MYH14: variants seen among roughly 807,000 people sequenced by gnomAD.
The protein encoded by MYH14 is myosin heavy chain 14, also known as myosin-14.
MYH14 carries 123 observed loss-of-function variants against 255.5 expected under a neutral mutation model. The ratio of observed to expected loss-of-function variants is 0.48; its 90% CI spans 0.42 to 0.56. MYH14 has a LOEUF of 0.56. Among genes scored for constraint, MYH14 ranks in the 20% least tolerant of loss-of-function variants. MYH14 has a pLI of 0.00. For synonymous variants in MYH14, 1,095 were observed against 1,161.2 expected (o/e 0.94, Z 1.16); for missense variants, 2,423 against 2,802.3 (o/e 0.86, Z 3.06).
chr19:50,291,164 C>T (rs1221469560), intron 36 of MYH14, 116 bp downstream of exon 36: 4 of 948,146 alleles, frequency 4.2e-6, no homozygotes, highest in South Asian at 1.8e-5. Flanking sequence ...AGGCAGCATC[C>T]GCATGGGTCA....
At position 50,267,383 on chromosome 19, in the gene MYH14, C is replaced by G. The variant is rs2035127769; in HGVS notation, c.2826+375C>G. Among the ~76,000 whole-genome samples, 3 of 152,168 alleles carry G rather than the reference C, an allele frequency of 2.0e-5. No individual in the cohort carries two copies. The South Asian group carries it at 6.2e-4, about 32-fold the overall frequency. On this transcript the variant is annotated intron_variant, in intron 23 of 42. Coordinates refer to ENST00000642316, the MANE Select transcript of MYH14 (RefSeq NM_001145809.2). Reference sequence around the variant, plus strand: ...CTTATAACTGTTTCCAGTATTTCAGCTATCTTAAAATAATGCTAGAACATT... The same window carrying G: ...CTTATAACTGTTTCCAGTATTTCAGGTATCTTAAAATAATGCTAGAACATT...
At chr19:50,288,022 G>C (rs1241628665) in intron 34 of MYH14, among the ~76,000 whole-genome samples, 1 of 152,142 alleles carries the variant, frequency 6.6e-6, no homozygotes, top group Non-Finnish European at 1.5e-5. Context: ...GGGCCTGTAG[G>C]GTGGTGCCCC....
chr19:50,237,544 T>C (rs1287904523), intron 10 of MYH14, among the ~76,000 whole-genome samples: 1 of 152,106 alleles, frequency 6.6e-6, no homozygotes, highest in Non-Finnish European at 1.5e-5. Context: ...GCCAGGCTGG[T>C]CTCGAACTCC....
Position 50,299,259 on chromosome 19 carries a change from A to G in MYH14, c.5470-2402A>G, listed in dbSNP as rs563328105. Among the ~76,000 whole-genome samples, 25 of 152,256 alleles carry G rather than the reference A, an allele frequency of 1.6e-4. No individual in the cohort carries two copies. The South Asian group carries it at 4.6e-3, about 28-fold the overall frequency. Reference sequence around the variant, plus strand: ...GAACTCTACAAGGCTAACAACCTACATTCTTCAACAGATAAATTGTAAGAA... The same window carrying G: ...GAACTCTACAAGGCTAACAACCTACGTTCTTCAACAGATAAATTGTAAGAA... On this transcript the variant is annotated intron_variant, in intron 39 of 42. Coordinates refer to ENST00000642316, the MANE Select transcript of MYH14 (RefSeq NM_001145809.2).
At chr19:50,224,446 G>A (rs953213708) in intron 6 of MYH14, among the ~76,000 whole-genome samples, 10 of 152,192 alleles carry the variant, frequency 6.6e-5, no homozygotes, top group East Asian at 3.9e-4. Flanking sequence ...CAGATGCTGC[G>A]TGCACACAAC....
At position 50,309,635 on chromosome 19, in the gene MYH14, C is replaced by G; in HGVS notation, c.5961-5C>G. On this transcript the variant is annotated splice_region_variant and splice_polypyrimidine_tract_variant and intron_variant, in intron 42 of 42. Transcript: ENST00000642316. ...TCTCTGTATCCTGGTCTCTCCTCCC[C>G]ACAGACGCGGCCCCCTCACCTTCAC... 6.2e-7 allele frequency: 1 copy of G among 1,608,994 alleles called. No individual in the cohort carries two copies. Among genetic ancestry groups the G allele is most frequent in the African/African-American group, 1.3e-5 (1 of 74,628 alleles).
At chr19:50,300,428 T>C (rs2036439732) in intron 39 of MYH14, among the ~76,000 whole-genome samples, 1 of 152,172 alleles carries the variant, frequency 6.6e-6, no homozygotes, top group Non-Finnish European at 1.5e-5. Flanking sequence ...AATGTTTGGC[T>C]CTCTGTATCA....
chr19:50,220,799 T>C (rs1469503018), intron 3 of MYH14, among the ~76,000 whole-genome samples: 2 of 152,086 alleles, frequency 1.3e-5, no homozygotes, highest in African/African-American at 4.8e-5. Flanking sequence ...GTGATCCGCC[T>C]ACCTCAGCCT....
chr19:50,247,236 G>A (rs986544239), intron 12 of MYH14, 114 bp downstream of exon 12: 14 of 722,054 alleles, frequency 1.9e-5, no homozygotes, highest in South Asian at 3.3e-5. Context: ...CTGAGTGCCC[G>A]CTCCGTTACC....
intron 1 of MYH14, among the ~76,000 whole-genome samples, chr19:50,206,659 G>C (rs1381121230): frequency 6.6e-6 from 1 of 152,134 alleles, no homozygotes; most frequent in Non-Finnish European, 1.5e-5. Context: ...GAGGAAGTGG[G>C]TCCTCTCAGC....
At chr19:50,288,529 T>G (rs1304449138) in intron 34 of MYH14, among the ~76,000 whole-genome samples, 1 of 152,182 alleles carries the variant, frequency 6.6e-6, no homozygotes, top group Non-Finnish European at 1.5e-5. Context: ...GTTTGATCCC[T>G]TCAAGTAAAC....
At chr19:50,239,606 G>A (rs183316163) in intron 10 of MYH14, among the ~76,000 whole-genome samples, 2 of 152,004 alleles carry the variant, frequency 1.3e-5, no homozygotes, top group African/African-American at 4.8e-5. Flanking sequence ...TTGGAGTGCA[G>A]TGGCCCGATC....
chr19:50,235,025 G>C (rs1342562775), intron 10 of MYH14, among the ~76,000 whole-genome samples: 1 of 152,114 alleles, frequency 6.6e-6, no homozygotes, highest in East Asian at 1.9e-4. Context: ...CTGATGTTCA[G>C]CTGTCAACAT....
intron 10 of MYH14, among the ~76,000 whole-genome samples, chr19:50,232,849 G>A (rs1315725372): frequency 6.6e-6 from 1 of 152,102 alleles, no homozygotes. Context: ...ACTTCTGGTG[G>A]TGGAGCTGCA....
In MYH14 at chr19:50,266,996, C is replaced by T; in HGVS notation, c.2814C>T (p.Gly938=). The T allele has an allele frequency of 1.3e-6, 2 of 1,565,736 alleles. No homozygotes were observed. Among genetic ancestry groups the T allele is most frequent in the Non-Finnish European group, 1.7e-6 (2 of 1,156,230 alleles). The change falls in exon 23 of 43, where the codon GGC becomes GGT. Residue 938 remains glycine, a synonymous_variant. Coordinates refer to ENST00000642316, the MANE Select transcript of MYH14 (RefSeq NM_001145809.2). The surrounding 1 kb of genome is among the most constrained non-coding windows in gnomAD (Gnocchi z 4.1). ...CCCGCGAAGTTGGGGAGCTCCAGGG[C>T]CGAGTGGCACAGGTGAGGGGGCGGG... ...QSAREVGELQ[G]RVAQLEEERA... is the part of the protein sequence containing the mutation.
rs539765596 is a variant in MYH14 at position 50,249,048 on chromosome 19, T to C, written c.1391T>C (p.Val464Ala). Residue 464 changes from valine (V) to alanine (A), a missense_variant, in exon 13 of 43, where the codon GTT becomes GCT. Val to Ala is a moderately conservative substitution (Grantham distance 64). Transcript: ENST00000642316. ...ATYERLFRWL[V>A]LRLNRALDRS... ...TACGAGCGCCTCTTCCGCTGGCTGG[T>C]TCTGCGCCTCAACCGGGCCTTGGAC... is the stretch of plus-strand genomic sequence containing the variant. 6.2e-7 allele frequency: 1 copy of C among 1,613,014 alleles called. No individual in the cohort carries two copies. Among genetic ancestry groups the C allele is most frequent in the Non-Finnish European group, 8.5e-7 (1 of 1,179,690 alleles).
chr19:50,249,104 G>A lies in MYH14; in HGVS notation c.1447G>A (p.Gly483Ser). 6.3e-7 allele frequency: 1 copy of A among 1,599,182 alleles called. No individual in the cohort carries two copies. The highest frequency in any genetic ancestry group is 8.5e-7 in the Non-Finnish European group (1 of 1,173,230). Residue 483 changes from glycine (G) to serine (S), a missense_variant, in exon 13 of 43, where the codon GGC becomes AGC. Transcript: ENST00000642316. The part of the protein sequence containing the change: ...RSPRQGASFL[G>S]ILDIAGFEIF... ...CCCCCGCCAAGGCGCCTCCTTCCTG[G>A]GCATCCTGGACATCGCGGGCTTTGA...
Position 50,244,260 on chromosome 19 carries a change from C to T in MYH14, c.1133C>T (p.Ser378Leu), listed in dbSNP as rs150806988. 109 of 1,613,966 alleles carry T rather than the reference C, an allele frequency of 6.8e-5. No individual in the cohort carries two copies. The East Asian group carries it at 2.0e-3, about 30-fold the overall frequency. Residue 378 changes from serine to leucine, a missense_variant, in exon 11 of 43, where the codon TCA becomes TTA. Around this residue, in one of 3 missense-constraint regions of MYH14, gnomAD observed 672 missense variants for 881.8 expected, o/e 0.76. Transcript: ENST00000642316. ...TCCCCAGCCATGCTGCGGATGGTCT[C>T]AGCAGTTCTCCAGTTTGGCAACATT... ...EEIISMLRMV[S>L]AVLQFGNIAL...
At position 50,293,553 on chromosome 19, in the gene MYH14, T is replaced by C. The variant is rs2036160646; in HGVS notation, c.5346-11T>C. 6.2e-7 allele frequency: 1 copy of C among 1,612,336 alleles called. No homozygotes were observed. Among genetic ancestry groups the C allele is most frequent in the Non-Finnish European group, 8.5e-7 (1 of 1,179,354 alleles). On this transcript the variant is annotated splice_polypyrimidine_tract_variant and intron_variant, in intron 38 of 42. Transcript: ENST00000642316. This position sits in a 1 kb window ranked among gnomAD's most constrained non-coding sequence, Gnocchi z 4.1. ...CTGTCCTTTCATCCCCACGCCTTCC[T>C]GTCTCCCTAGGGCAGCCATTCTGGA...
Sources: gnomAD v4.1 joint callset for allele counts (sites outside exome capture counted in the v4.1 genomes callset) on GRCh38, gnomAD v4.1.1 for gene constraint, gnomAD v4.1.1 regional missense constraint, Gnocchi (gnomAD v3.1) non-coding constraint, MANE v1.5 for transcripts, NCBI Gene and HGNC (gene_info 2026-07-23, HGNC 2026-07-21) for gene names.